Variants in TGM4 observed in about 807,000 individuals in gnomAD.
TGM4 encodes the protein transglutaminase 4.
A neutral mutation model predicts 76.3 loss-of-function variants in TGM4; 61 were observed. The observed-to-expected ratio is 0.80, with a 90% confidence interval of 0.65 to 0.99. The LOEUF (loss-of-function observed/expected upper bound fraction) is 0.99. Ranked by LOEUF, TGM4 falls within the 50% of genes least tolerant of loss-of-function variation. TGM4 has a pLI of 0.00. For synonymous variants in TGM4, 337 were observed against 329.8 expected (o/e 1.02, Z -0.24); for missense variants, 794 against 843.2 (o/e 0.94, Z 0.72).
At position 44,901,902 on chromosome 3, in the gene TGM4, AATCACCAGT is replaced by A. The variant is rs780363555; in HGVS notation, c.945_953del (p.Ile315_Ser317del). The A allele has an allele frequency of 2.9e-4, 471 of 1,614,098 alleles. 2 individuals are homozygous for A. Among genetic ancestry groups the A allele is most frequent in the Admixed American group, 4.3e-4 (26 of 60,022 alleles). ...CCTATGTGAATGAGAATGGCGAGAA[AATCACCAGT>A]ATGACCCACGACTCTGTCTGGTAGG... On this transcript the variant is annotated inframe_deletion, in exon 8 of 14. Transcript: ENST00000296125.
intron 13 of TGM4, among the ~76,000 whole-genome samples, chr3:44,911,998 T>G (rs1336288313): frequency 6.6e-6 from 1 of 151,992 alleles, no homozygotes; most frequent in Non-Finnish European, 1.5e-5. Context: ...ACCCGGCTAA[T>G]TTTTGTATTT....
rs36081973 is a variant in TGM4 at position 44,885,365 on chromosome 3, C to G, written c.60C>G (p.Asn20Lys). The G allele has an allele frequency of 6.2e-7, 1 of 1,613,712 alleles. No homozygotes were observed. Among genetic ancestry groups the G allele is most frequent in the African/African-American group, 1.3e-5 (1 of 75,048 alleles). Reference sequence around the variant, plus strand: ...ACATTGACTTCTTGAATCAGGACAACGCCGTTTCTCACCACACATGGGAGT... The same window carrying G: ...ACATTGACTTCTTGAATCAGGACAAGGCCGTTTCTCACCACACATGGGAGT... ...VLHIDFLNQD[N>K]AVSHHTWEFQ... The change falls in exon 2 of 14, where the codon AAC (asparagine) becomes AAG (lysine). Residue 20 changes from asparagine (N) to lysine (K), a missense_variant. By Grantham distance (94) the Asn-to-Lys change is moderately conservative. Transcript: ENST00000296125.
At chr3:44,892,381 A>G (rs1405570072) in intron 4 of TGM4, among the ~76,000 whole-genome samples, 3 of 75,816 alleles carry the variant, frequency 4.0e-5, no homozygotes, top group African/African-American at 1.5e-4. Flanking sequence ...TTTTTTTTTG[A>G]GACGGAGTTT....
Position 44,901,864 on chromosome 3 carries a change from C to T in TGM4, c.904C>T (p.Leu302Phe), listed in dbSNP as rs764064189. 25 of 1,614,104 alleles carry T rather than the reference C, an allele frequency of 1.5e-5. No homozygotes were observed. The highest frequency in any genetic ancestry group is 2.1e-5 in the Non-Finnish European group (25 of 1,180,044). ...FDSAHDTERN[L>F]TVDTYVNENG... The stretch of plus-strand genomic sequence containing the variant: ...TTCAGCTCACGACACAGAAAGGAAC[C>T]TCACGGTGGACACCTATGTGAATGA... The change falls in exon 8 of 14, where the codon CTC becomes TTC. Residue 302 changes from leucine (L) to phenylalanine (F), a missense_variant. Transcript: ENST00000296125.
Position 44,913,743 on chromosome 3 carries a change from G to A in TGM4, c.*18G>A. ...CCAAGTAGCCTTGTCTGATGCTGTGGAGCCTTAGTTGAGATTTCAGCATTT... is the reference window on the plus strand; with the variant it reads ...CCAAGTAGCCTTGTCTGATGCTGTGAAGCCTTAGTTGAGATTTCAGCATTT... On this transcript the variant is annotated 3_prime_UTR_variant, in exon 14 of 14. Transcript: ENST00000296125. 6.2e-7 allele frequency: 1 copy of A among 1,605,918 alleles called. No homozygotes were observed. Among genetic ancestry groups the A allele is most frequent in the East Asian group, 2.2e-5 (1 of 44,750 alleles).
intron 4 of TGM4, among the ~76,000 whole-genome samples, chr3:44,892,173 G>T (rs576072560): frequency 2.4e-4 from 36 of 151,540 alleles, no homozygotes; most frequent in African/African-American, 8.2e-4. Context: ...CAGGAGAATC[G>T]CTTGAACCTG....
At chr3:44,879,265 C>CTCTCTCTCTCTCTCTA (rs1482970491) in intron 1 of TGM4, among the ~76,000 whole-genome samples, 1 of 92,294 alleles carries the variant, frequency 1.1e-5, no homozygotes, top group African/African-American at 4.4e-5. Context: ...CTCTCTCTCT[C>CTCTCTCTCTCTCTCTA]TATATATATA....
At chr3:44,904,956 A>G (rs1274641447) in intron 9 of TGM4, among the ~76,000 whole-genome samples, 1 of 151,756 alleles carries the variant, frequency 6.6e-6, no homozygotes, top group East Asian at 1.9e-4. Flanking sequence ...TGTTGGGATT[A>G]CAGGCATGAG....
intron 2 of TGM4, among the ~76,000 whole-genome samples, chr3:44,886,126 C>T (rs1166395986): frequency 3.3e-5 from 5 of 152,046 alleles, no homozygotes; most frequent in Non-Finnish European, 7.4e-5. Flanking sequence ...GGCAGATCAC[C>T]TGAGGTCAGG....
At chr3:44,906,817 G>T in intron 9 of TGM4, 132 bp from the exon 10 acceptor site, 1 of 1,145,322 alleles carries the variant, frequency 8.7e-7, no homozygotes, top group South Asian at 1.4e-5. Flanking sequence ...TAGGAAATGA[G>T]TACCCAGATG....
rs528006561 is a variant in TGM4 at position 44,910,352 on chromosome 3, G to A, written c.1590G>A (p.Ser530=). Residue 530 remains serine (S), a synonymous_variant, in exon 11 of 14, where the codon TCG becomes TCA. Transcript: ENST00000296125. ...AACTGTGTGACCTCAATAAGACCTC[G>A]CAGATCCAAGGTCAAGGTACCAGAA... ...MAKLCDLNKT[S]QIQGQVSEVT... The A allele has an allele frequency of 3.8e-5, 62 of 1,613,658 alleles. 1 individual carries two copies. Among genetic ancestry groups the A allele is most frequent in the Middle Eastern group, 1.6e-4 (1 of 6,062 alleles).
At chr3:44,907,306 C>G in intron 10 of TGM4, 106 bp downstream of exon 10, 1 of 950,966 alleles carries the variant, frequency 1.1e-6, no homozygotes, top group Non-Finnish European at 1.4e-6. Flanking sequence ...AACCCCATCC[C>G]TACCAAAAAA....
chr3:44,903,369 C>T (rs545456501), intron 8 of TGM4, among the ~76,000 whole-genome samples: 1 of 152,268 alleles, frequency 6.6e-6, no homozygotes, highest in South Asian at 2.1e-4. Context: ...CAGAGACTGG[C>T]CAGTTACAAA....
rs1326984279 is a variant in TGM4 at position 44,901,910 on chromosome 3, G to A, written c.950G>A (p.Ser317Asn). Residue 317 changes from serine to asparagine, a missense_variant, in exon 8 of 14, where the codon AGT (serine) becomes AAT (asparagine). Physicochemically the swap from Ser to Asn is conservative, Grantham distance 46. Coordinates refer to ENST00000296125, the MANE Select transcript of TGM4 (RefSeq NM_003241.4). Reference protein sequence around the residue: ...YVNENGEKITSMTHDSVWNFH... With the variant: ...YVNENGEKITNMTHDSVWNFH... ...AATGAGAATGGCGAGAAAATCACCA[G>A]TATGACCCACGACTCTGTCTGGTAG... is the stretch of plus-strand genomic sequence containing the variant. 1.9e-6 allele frequency: 3 copies of A among 1,613,218 alleles called. No individual in the cohort carries two copies. Among genetic ancestry groups the A allele is most frequent in the Non-Finnish European group, 2.5e-6 (3 of 1,179,528 alleles).
chr3:44,881,274 G>A (rs1330255923), intron 1 of TGM4, among the ~76,000 whole-genome samples: 1 of 152,032 alleles, frequency 6.6e-6, no homozygotes, highest in East Asian at 1.9e-4. Flanking sequence ...TATTCATTGA[G>A]CAGCCTAGAA....
chr3:44,913,566 T>C lies in TGM4; in HGVS notation c.1914-18T>C. 6.2e-7 allele frequency: 1 copy of C among 1,608,982 alleles called. No homozygotes were observed. Among genetic ancestry groups the C allele is most frequent in the Non-Finnish European group, 8.5e-7 (1 of 1,178,112 alleles). On this transcript the variant is annotated intron_variant, in intron 13 of 13. Coordinates refer to ENST00000296125, the MANE Select transcript of TGM4 (RefSeq NM_003241.4). ...ATCCTTGGCTGATTGTATGTCCGTA[T>C]GTCTTTGAATTTTCCAGGACGGTGC... is the stretch of plus-strand genomic sequence containing the variant.
In TGM4 at chr3:44,893,589, T is replaced by C. The variant is rs146491241; in HGVS notation, c.443T>C (p.Phe148Ser). 2.1e-4 allele frequency: 333 copies of C among 1,613,806 alleles called. 5 individuals are homozygous for C. In the East Asian group the frequency reaches 6.8e-3, roughly 33 times the overall value. The change falls in exon 5 of 14, where the codon TTC (phenylalanine) becomes TCC (serine). Residue 148 changes from phenylalanine (F) to serine (S), a missense_variant. Phe to Ser is a radical substitution (Grantham distance 155). Coordinates refer to ENST00000296125, the MANE Select transcript of TGM4 (RefSeq NM_003241.4). ...GGTCTTGCTTCAGAGGACATGGTTT[T>C]CATGCCTGATGAGGACGAGCGCAAA... Reference protein sequence around the residue: ...FNPWCKEDMVFMPDEDERKEY... With the variant: ...FNPWCKEDMVSMPDEDERKEY...
At position 44,907,124 on chromosome 3, in the gene TGM4, C is replaced by A; in HGVS notation, c.1251C>A (p.Ile417=). 2 of 1,613,956 alleles carry A rather than the reference C, an allele frequency of 1.2e-6. No individual in the cohort carries two copies. The highest frequency in any genetic ancestry group is 1.7e-6 in the Non-Finnish European group (2 of 1,180,000). The change falls in exon 10 of 14, where the codon ATC becomes ATA. Residue 417 remains isoleucine, a synonymous_variant. Coordinates refer to ENST00000296125, the MANE Select transcript of TGM4 (RefSeq NM_003241.4). ...LHVISMETTS[I]GKNISTKAVG... is the part of the protein sequence containing the mutation. ...TAATTTCAATGGAGACCACAAGCAT[C>A]GGGAAAAACATCAGCACCAAGGCAG...
chr3:44,887,457 G>A (rs1699623827), intron 2 of TGM4, among the ~76,000 whole-genome samples: 1 of 152,180 alleles, frequency 6.6e-6, no homozygotes, highest in African/African-American at 2.4e-5. Context: ...TAAAAAGGGA[G>A]GACGTGGAGA....
Sources: gnomAD v4.1 joint callset for allele counts (sites outside exome capture counted in the v4.1 genomes callset) on GRCh38, gnomAD v4.1.1 for gene constraint, MANE v1.5 for transcripts, NCBI Gene and HGNC (gene_info 2026-07-23, HGNC 2026-07-21) for gene names.